SUMF1: variants seen among roughly 807,000 people sequenced by gnomAD.
SUMF1 encodes formylglycine-generating enzyme.
A neutral mutation model predicts 47.6 loss-of-function variants in SUMF1; 48 were observed. The observed-to-expected ratio is 1.01, with a 90% confidence interval of 0.80 to 1.28. The LOEUF is 1.28. SUMF1 is among the 50% of genes most tolerant of loss of function. The probability of loss-of-function intolerance (pLI) is 0.00; values close to 1 mark genes in which losing one functional copy is unlikely to be tolerated. For synonymous variants in SUMF1, 230 were observed against 192.1 expected, an observed-to-expected ratio of 1.20 and a Z score of -1.63; for missense variants, 571 against 485.4, an observed-to-expected ratio of 1.18 and a Z score of -1.66.
intron 7 of SUMF1, among the ~76,000 whole-genome samples, chr3:4,381,440 T>C (rs1700502163): frequency 6.6e-6 from 1 of 151,936 alleles, no homozygotes; most frequent in South Asian, 2.1e-4. Flanking sequence ...ACTAAAGAAC[T>C]TACCCATGTA....
downstream of SUMF1, among the ~76,000 whole-genome samples, chr3:4,359,056 C>A (rs1288899590): frequency 6.6e-6 from 1 of 152,170 alleles, no homozygotes; most frequent in Non-Finnish European, 1.5e-5. Flanking sequence ...TCCCCGTATG[C>A]CTCTATGTTT....
At chr3:4,039,208 AATTTTTTTTTT>A (rs1217713754) in intron 9 of SUMF1, among the ~76,000 whole-genome samples, 10 of 46,166 alleles carry the variant, frequency 2.2e-4, no homozygotes, top group East Asian at 2.0e-3. Flanking sequence ...CATCTATGCA[AATTTTTTTTTT>A]TTTTTTTTTT....
chr3:4,338,271 CTCTT>C (rs1385351433), intron 8 of SUMF1, among the ~76,000 whole-genome samples: 92 of 150,992 alleles, frequency 6.1e-4, no homozygotes, highest in Non-Finnish European at 1.1e-3. Context: ...GAGACCCTGT[CTCTT>C]TATTAAAAAG....
chr3:4,348,180 T>C (rs947920666), intron 8 of SUMF1, among the ~76,000 whole-genome samples: 1 of 152,186 alleles, frequency 6.6e-6, no homozygotes, highest in Admixed American at 6.5e-5. Flanking sequence ...AAAACTATTT[T>C]AAATTTCATA....
At chr3:4,061,497 C>T (rs1695275999) in intron 9 of SUMF1, among the ~76,000 whole-genome samples, 1 of 152,050 alleles carries the variant, frequency 6.6e-6, no homozygotes, top group South Asian at 2.1e-4. Context: ...TATATAAACC[C>T]CTGATTTTGG....
intron 8 of SUMF1, among the ~76,000 whole-genome samples, chr3:4,260,363 T>C (rs982216960): frequency 6.6e-6 from 1 of 152,220 alleles, no homozygotes; most frequent in Non-Finnish European, 1.5e-5. Context: ...TACTTGTTGT[T>C]GCTGTTGTTT....
intron 9 of SUMF1, among the ~76,000 whole-genome samples, chr3:4,053,011 A>G (rs75549194): frequency 0.048 from 7,242 of 152,218 alleles, 608 homozygotes; most frequent in African/African-American, 0.17. Flanking sequence ...TTGGCAAAAG[A>G]GCTCTAGCTT....
chr3:4,287,935 G>A (rs1424868382), intron 8 of SUMF1, among the ~76,000 whole-genome samples: 1 of 152,180 alleles, frequency 6.6e-6, no homozygotes. Flanking sequence ...CACAGATTTG[G>A]ATAATTAATG....
chr3:4,062,457 A>G (rs1158695218), intron 9 of SUMF1, among the ~76,000 whole-genome samples: 1 of 152,204 alleles, frequency 6.6e-6, no homozygotes, highest in East Asian at 1.9e-4. Flanking sequence ...TGTTGCTGCC[A>G]GACGAGGTGT....
At chr3:4,130,164 G>A (rs1693752648) in intron 8 of SUMF1, among the ~76,000 whole-genome samples, 1 of 152,150 alleles carries the variant, frequency 6.6e-6, no homozygotes, top group Non-Finnish European at 1.5e-5. Context: ...GAAGACAGAT[G>A]GATCTTGGAG....
At chr3:4,360,958 T>C (rs948272611), downstream of SUMF1, among the ~76,000 whole-genome samples, 1 of 152,212 alleles carries the variant, frequency 6.6e-6, no homozygotes. Context: ...AAGGTCATGA[T>C]AGGGTTACTG....
At chr3:4,068,576 C>A (rs1373475697) in exon 9 of SUMF1, 11 of 373,616 alleles carry the variant, frequency 2.9e-5, no homozygotes, top group Non-Finnish European at 5.4e-5. Flanking sequence ...TACAGCACAT[C>A]TCAATTCAAA....
chr3:4,175,665 A>G (rs552084052), intron 8 of SUMF1, among the ~76,000 whole-genome samples: 6 of 152,310 alleles, frequency 3.9e-5, no homozygotes, highest in South Asian at 2.1e-4. Flanking sequence ...CCAGCAGTGG[A>G]AAAAGGTGGA....
intron 3 of SUMF1, among the ~76,000 whole-genome samples, chr3:4,446,093 G>A (rs1335150391): frequency 6.6e-6 from 1 of 152,176 alleles, no homozygotes; most frequent in Non-Finnish European, 1.5e-5. Context: ...AGTAGATGAT[G>A]GAACTATCTC....
chr3:4,300,798 C>T (rs1003003791), intron 8 of SUMF1, among the ~76,000 whole-genome samples: 3 of 152,102 alleles, frequency 2.0e-5, no homozygotes, highest in Non-Finnish European at 2.9e-5. Flanking sequence ...TTAGTTCCCA[C>T]CCCACTTTAA....
chr3:4,056,040 T>C (rs1182607311), intron 9 of SUMF1, among the ~76,000 whole-genome samples: 1 of 152,176 alleles, frequency 6.6e-6, no homozygotes, highest in Non-Finnish European at 1.5e-5. Flanking sequence ...TAAAGACCCT[T>C]GTGATTACAT....
intron 8 of SUMF1, among the ~76,000 whole-genome samples, chr3:4,103,312 A>AT (rs1693079900): frequency 6.6e-6 from 1 of 152,016 alleles, no homozygotes; most frequent in Non-Finnish European, 1.5e-5. Flanking sequence ...ATAGAAATAT[A>AT]TTTTTTTATA....
intron 8 of SUMF1, among the ~76,000 whole-genome samples, chr3:4,165,515 T>C (rs1379529658): frequency 2.6e-5 from 4 of 152,114 alleles, no homozygotes; most frequent in South Asian, 2.1e-4. Context: ...TGAGAGGTCC[T>C]CCTGTGGGAT....
intron 8 of SUMF1, among the ~76,000 whole-genome samples, chr3:4,375,982 C>T (rs543109269): frequency 6.6e-6 from 1 of 152,298 alleles, no homozygotes; most frequent in African/African-American, 2.4e-5. Flanking sequence ...CAGAAATGTA[C>T]AGGATTCTCA....
Sources: allele counts gnomAD v4.1 joint callset (sites outside exome capture counted in the v4.1 genomes callset), GRCh38; gene constraint gnomAD v4.1.1; transcripts MANE v1.5; gene names NCBI Gene and HGNC (gene_info 2026-07-23, HGNC 2026-07-21).